Variants in SV2C observed in about 807,000 individuals in gnomAD.
SV2C encodes synaptic vesicle glycoprotein 2C.
SV2C carries 49 observed loss-of-function variants against 79.7 expected under a neutral mutation model. The observed-to-expected ratio is 0.61, with a 90% CI of 0.49 to 0.78. The LOEUF is 0.78. Among genes scored for constraint, SV2C ranks in the 30% least tolerant of loss-of-function variants. The pLI, the probability that SV2C is intolerant of heterozygous loss-of-function variation, is 0.00. For missense variants in SV2C, 833 were observed against 912.9 expected, an observed-to-expected ratio of 0.91 and a Z score of 1.13; for synonymous variants, 334 against 333.2, an observed-to-expected ratio of 1.00 and a Z score of -0.03.
chr5:76,247,608 A>G (rs957047381), intron 4 of SV2C, among the ~76,000 whole-genome samples: 3 of 152,230 alleles, frequency 2.0e-5, no homozygotes, highest in Non-Finnish European at 4.4e-5. Flanking sequence ...GTGCATTGGC[A>G]CACAGGAGCG....
At chr5:76,267,260 C>T (rs1001483012) in intron 4 of SV2C, among the ~76,000 whole-genome samples, 3 of 151,954 alleles carry the variant, frequency 2.0e-5, no homozygotes, top group African/African-American at 2.4e-5. Context: ...GCTACAAGGG[C>T]AAAACTTTAC....
At chr5:76,057,951 A>C in the SV2C span, among the ~76,000 whole-genome samples, 1 of 152,230 alleles carries the variant, frequency 6.6e-6, no homozygotes, top group South Asian at 2.1e-4. Flanking sequence ...TTTATTTGAC[A>C]ATGATGTACT....
intron 12 of SV2C, among the ~76,000 whole-genome samples, chr5:76,304,581 A>G (rs1481830883): frequency 6.6e-6 from 1 of 152,196 alleles, no homozygotes; most frequent in Non-Finnish European, 1.5e-5. Flanking sequence ...TAAAGAAGAG[A>G]AATTCATTTT....
At chr5:75,912,291 C>A in the SV2C span, among the ~76,000 whole-genome samples, 13 of 152,146 alleles carry the variant, frequency 8.5e-5, no homozygotes, top group Non-Finnish European at 1.8e-4. Flanking sequence ...GCCAGAAGAA[C>A]GCATTTTCAG....
In SV2C at chr5:76,325,585, T is replaced by G. The variant is rs777147002; in HGVS notation, c.*38T>G. On this transcript the variant is annotated 3_prime_UTR_variant, in exon 13 of 13. Transcript: ENST00000502798. ...CCATCCTTCCTGCGTTTCTTCCTCC[T>G]GCCCTGGGTCAATTCTCCTTCCTGA... is the stretch of plus-strand genomic sequence containing the variant. 37 of 1,606,524 alleles carry G rather than the reference T, an allele frequency of 2.3e-5. No homozygotes were observed. Among genetic ancestry groups the G allele is most frequent in the Non-Finnish European group, 2.6e-5 (31 of 1,176,602 alleles).
chr5:76,126,897 T>C (rs1379852427), intron 1 of SV2C, among the ~76,000 whole-genome samples: 4 of 152,166 alleles, frequency 2.6e-5, no homozygotes, highest in Non-Finnish European at 5.9e-5. Flanking sequence ...TTCTTATCTG[T>C]GAAGTGGGCA....
At chr5:75,887,635 T>C in the SV2C span, among the ~76,000 whole-genome samples, 2 of 152,264 alleles carry the variant, frequency 1.3e-5, no homozygotes, top group South Asian at 2.1e-4. Context: ...TTCAGTCAAA[T>C]TGATATATCA....
chr5:75,848,889 G>C, the SV2C span, among the ~76,000 whole-genome samples: 1 of 152,184 alleles, frequency 6.6e-6, no homozygotes, highest in Non-Finnish European at 1.5e-5. Flanking sequence ...TGCTGAATCT[G>C]ACTTTCCTTA....
At chr5:76,295,044 A>C (rs1211892106) in intron 8 of SV2C, among the ~76,000 whole-genome samples, 1 of 152,194 alleles carries the variant, frequency 6.6e-6, no homozygotes. Context: ...CTCAGAGCAG[A>C]CTGGAATGAT....
chr5:76,284,060 T>C (rs1561297907), intron 4 of SV2C, among the ~76,000 whole-genome samples: 1 of 152,232 alleles, frequency 6.6e-6, no homozygotes, highest in Non-Finnish European at 1.5e-5. Flanking sequence ...ATAATTCATC[T>C]ATGCCTTTAT....
chr5:76,338,196 T>G (rs540007197), downstream of SV2C, among the ~76,000 whole-genome samples: 1 of 152,354 alleles, frequency 6.6e-6, no homozygotes, highest in African/African-American at 2.4e-5. Flanking sequence ...TGGAACTCCC[T>G]GGGGCCAGAA....
the SV2C span, among the ~76,000 whole-genome samples, chr5:75,976,208 T>C: frequency 1.3e-5 from 2 of 152,238 alleles, no homozygotes; most frequent in African/African-American, 2.4e-5. Context: ...CTCATTTCCA[T>C]GCCAGTCTGC....
chr5:75,860,137 A>G, the SV2C span, among the ~76,000 whole-genome samples: 36 of 152,276 alleles, frequency 2.4e-4, no homozygotes, highest in African/African-American at 8.2e-4. Context: ...ATACCTAGAA[A>G]ATCCTAAGGA....
At chr5:76,290,405 C>T (rs765464168) in intron 6 of SV2C, among the ~76,000 whole-genome samples, 1 of 152,226 alleles carries the variant, frequency 6.6e-6, no homozygotes, top group African/African-American at 2.4e-5. Flanking sequence ...AATGTGTACA[C>T]ATTTCCATGT....
intron 1 of SV2C, among the ~76,000 whole-genome samples, chr5:76,112,495 G>A (rs143776686): frequency 7.9e-4 from 121 of 152,326 alleles, no homozygotes; most frequent in Non-Finnish European, 1.4e-3. Flanking sequence ...TGCGCCAAGG[G>A]GATGGGGGGG....
intron 4 of SV2C, among the ~76,000 whole-genome samples, chr5:76,212,725 G>A (rs4703700): frequency 0.28 from 42,821 of 151,924 alleles, 6,675 homozygotes; most frequent in East Asian, 0.6. Flanking sequence ...CACCAAGCCC[G>A]GGCATGACTG....
chr5:76,319,732 G>A lies in SV2C; in HGVS notation c.2001-5632G>A, dbSNP rs566037871. Among the ~76,000 whole-genome samples, 9 of 152,304 alleles carry A rather than the reference G, an allele frequency of 5.9e-5. No individual in the cohort carries two copies. The South Asian group carries it at 1.4e-3, about 25-fold the overall frequency. On this transcript the variant is annotated intron_variant, in intron 12 of 12. Coordinates refer to ENST00000502798, the MANE Select transcript of SV2C (RefSeq NM_014979.4). ...CATCCATTCCTCGAGTACAGTTTCA[G>A]TGATACAAGGAGATAGCAGCCCACA...
At chr5:76,344,418 A>G (rs1023027044) in intron 12 of SV2C, among the ~76,000 whole-genome samples, 3 of 152,206 alleles carry the variant, frequency 2.0e-5, no homozygotes, top group Non-Finnish European at 2.9e-5. Flanking sequence ...TTATTTAAAA[A>G]TGATTTTAGG....
the SV2C span, among the ~76,000 whole-genome samples, chr5:75,904,385 A>T: frequency 6.8e-6 from 1 of 146,956 alleles, no homozygotes; most frequent in South Asian, 2.1e-4. Context: ...AAAACAAAAC[A>T]AAACAAAACA....
Sources: allele counts gnomAD v4.1 joint callset (sites outside exome capture counted in the v4.1 genomes callset), GRCh38; gene constraint gnomAD v4.1.1; transcripts MANE v1.5; gene names NCBI Gene and HGNC (gene_info 2026-07-23, HGNC 2026-07-21).